Variants in PRKCZ observed in about 807,000 individuals in gnomAD.
PRKCZ encodes the protein protein kinase C zeta.
Under a neutral mutation model 79.5 loss-of-function variants are expected in PRKCZ, and 33 were observed. That is an observed-to-expected ratio of 0.41 (90% CI 0.31 to 0.55). PRKCZ has a LOEUF of 0.55. PRKCZ is among the 20% of genes least tolerant of loss of function. The probability of loss-of-function intolerance (pLI) is 0.19; values close to 1 mark genes in which losing one functional copy is unlikely to be tolerated. For synonymous variants in PRKCZ, 342 were observed against 320.9 expected (o/e 1.07, Z -0.70); for missense variants, 578 against 813.5 (o/e 0.71, Z 3.52).
At chr1:2,098,196 A>G (rs1666858774) in intron 4 of PRKCZ, among the ~76,000 whole-genome samples, 1 of 152,206 alleles carries the variant, frequency 6.6e-6, no homozygotes, top group African/African-American at 2.4e-5. Context: ...GGATATGTAA[A>G]GTACAAGGAA....
chr1:2,150,690 A>C, intron 8 of PRKCZ, 100 bp from the exon 9 acceptor site: 1 of 1,232,288 alleles, frequency 8.1e-7, no homozygotes, highest in South Asian at 1.5e-5. Flanking sequence ...CTGGGCTCTG[A>C]GGAGCAGGTC....
At chr1:2,051,296 G>A (rs1402246206) in intron 1 of PRKCZ, among the ~76,000 whole-genome samples, 1 of 152,336 alleles carries the variant, frequency 6.6e-6, no homozygotes, top group East Asian at 1.9e-4. Context: ...GGGAGGGGGC[G>A]CGGTCAGGTG....
chr1:2,151,945 G>GGCT (rs1679988400), intron 9 of PRKCZ, among the ~76,000 whole-genome samples: 1 of 152,058 alleles, frequency 6.6e-6, no homozygotes, highest in South Asian at 2.1e-4. Flanking sequence ...CCTCCTGCTA[G>GGCT]GCTGAGGTGA....
chr1:2,077,637 G>T (rs778001280), intron 4 of PRKCZ, among the ~76,000 whole-genome samples: 7 of 152,214 alleles, frequency 4.6e-5, no homozygotes, highest in African/African-American at 9.7e-5. Flanking sequence ...TGATAGTTCT[G>T]TGGGACTCAC....
intron 7 of PRKCZ, among the ~76,000 whole-genome samples, chr1:2,148,057 C>T (rs1382674352): frequency 2.0e-5 from 3 of 151,528 alleles, no homozygotes; most frequent in Non-Finnish European, 2.9e-5. Flanking sequence ...TGTCCACTGA[C>T]CTCTCCATCT....
At chr1:2,166,516 C>T (rs1242211160) in intron 10 of PRKCZ, among the ~76,000 whole-genome samples, 1 of 152,162 alleles carries the variant, frequency 6.6e-6, no homozygotes, top group Non-Finnish European at 1.5e-5. Context: ...ATGAGAGGAG[C>T]GTTAATGCCA....
intron 3 of PRKCZ, 135 bp from the exon 4 acceptor site, chr1:2,059,406 G>A (rs1445988805): frequency 5.9e-6 from 6 of 1,014,966 alleles, no homozygotes; most frequent in Non-Finnish European, 8.9e-6. Context: ...CCAGGAGCGG[G>A]CTCTCATTGG....
intron 4 of PRKCZ, among the ~76,000 whole-genome samples, chr1:2,122,505 A>G (rs868339963): frequency 8.6e-3 from 23 of 2,672 alleles, no homozygotes; most frequent in African/African-American, 0.024. Flanking sequence ...TCACGGTGGT[A>G]GTTAGGGTCA....
intron 7 of PRKCZ, 133 bp downstream of exon 7, chr1:2,146,241 C>T: frequency 1.2e-6 from 1 of 861,208 alleles, no homozygotes; most frequent in Non-Finnish European, 1.8e-6. Context: ...CCTGGCCACC[C>T]TTCCCTGGGG....
intron 4 of PRKCZ, among the ~76,000 whole-genome samples, chr1:2,097,678 C>G (rs1037735493): frequency 2.6e-5 from 4 of 152,128 alleles, no homozygotes; most frequent in Admixed American, 2.6e-4. Context: ...CGCCTCGCAC[C>G]GTGCTCCTGG....
chr1:2,112,905 T>C (rs1046192995), intron 4 of PRKCZ, among the ~76,000 whole-genome samples: 1 of 152,352 alleles, frequency 6.6e-6, no homozygotes. Context: ...TTGGCCAGGC[T>C]GGTCTCGAAC....
intron 4 of PRKCZ, among the ~76,000 whole-genome samples, chr1:2,129,520 G>A (rs1674561956): frequency 2.0e-5 from 3 of 152,140 alleles, no homozygotes; most frequent in African/African-American, 7.2e-5. Flanking sequence ...TGGGGCGGAC[G>A]CAGACAGTGG....
At chr1:2,104,755 C>G (rs774443171) in intron 4 of PRKCZ, 1 of 985,830 alleles carries the variant, frequency 1.0e-6, no homozygotes, top group Non-Finnish European at 1.2e-6. Context: ...ACGCAGCGGG[C>G]TGGCCTGCGG....
chr1:2,101,792 T>C (rs1667480687), intron 4 of PRKCZ, among the ~76,000 whole-genome samples: 1 of 152,138 alleles, frequency 6.6e-6, no homozygotes, highest in South Asian at 2.1e-4. Context: ...ACAGCAAAGA[T>C]GTGTGGCAGA....
At chr1:2,112,187 T>C (rs77478543) in intron 4 of PRKCZ, among the ~76,000 whole-genome samples, 1,754 of 152,236 alleles carry the variant, frequency 0.012, 38 homozygotes, top group African/African-American at 0.04. Flanking sequence ...GGAGTCTGCC[T>C]AGAAGGCAAA....
intron 10 of PRKCZ, among the ~76,000 whole-genome samples, chr1:2,167,867 A>G (rs1683645948): frequency 7.1e-6 from 1 of 140,270 alleles, no homozygotes; most frequent in South Asian, 2.4e-4. Flanking sequence ...GGCCTCCCAG[A>G]ATGCTGGGAT....
intron 10 of PRKCZ, among the ~76,000 whole-genome samples, chr1:2,159,512 G>C (rs1681804509): frequency 6.6e-6 from 1 of 152,252 alleles, no homozygotes; most frequent in African/African-American, 2.4e-5. Context: ...GGGGAACCTG[G>C]CCGATGAAAC....
chr1:2,048,742 G>A (rs1298698234), upstream of PRKCZ, among the ~76,000 whole-genome samples: 2 of 152,194 alleles, frequency 1.3e-5, no homozygotes, highest in South Asian at 2.1e-4. Flanking sequence ...CAAAGGCTGA[G>A]GCTGGGGCTC....
intron 4 of PRKCZ, among the ~76,000 whole-genome samples, chr1:2,109,568 G>A (rs938938875): frequency 1.3e-5 from 2 of 152,254 alleles, no homozygotes; most frequent in African/African-American, 4.8e-5. Context: ...CCGGCTGTGG[G>A]CGGAGGGGGT....
Sources: allele counts gnomAD v4.1 joint callset (sites outside exome capture counted in the v4.1 genomes callset), GRCh38; gene constraint gnomAD v4.1.1; transcripts MANE v1.5; gene names NCBI Gene and HGNC (gene_info 2026-07-23, HGNC 2026-07-21).